ZNF678: variants seen among roughly 807,000 people sequenced by gnomAD.
The protein encoded by ZNF678 is zinc finger protein 678, also known as hypothetical protein MGC42493.
Under a neutral mutation model 3.0 loss-of-function variants are expected in ZNF678, and 5 were observed. That is an observed-to-expected ratio of 1.69 (90% CI 0.88 to 3.56). ZNF678 has a LOEUF of 3.56. Ranked by LOEUF, ZNF678 falls within the 30% of genes most tolerant of loss-of-function variation. The pLI is 0.00. For missense variants in ZNF678, 593 were observed against 605.0 expected, an observed-to-expected ratio of 0.98 and a Z score of 0.21; for synonymous variants, 218 against 199.6, an observed-to-expected ratio of 1.09 and a Z score of -0.78.
intron 1 of ZNF678, among the ~76,000 whole-genome samples, chr1:227,604,825 T>C (rs1362376897): frequency 6.6e-6 from 1 of 152,226 alleles, no homozygotes; most frequent in Non-Finnish European, 1.5e-5. Context: ...TGTTTTTATC[T>C]TTTTATTACC....
intron 1 of ZNF678, among the ~76,000 whole-genome samples, chr1:227,622,574 G>A (rs781249520): frequency 3.9e-5 from 6 of 152,186 alleles, no homozygotes; most frequent in Non-Finnish European, 5.9e-5. Flanking sequence ...TCAACAGGAG[G>A]CATACAAAAA....
chr1:227,650,068 C>T (rs1659052550), intron 2 of ZNF678, among the ~76,000 whole-genome samples: 1 of 151,996 alleles, frequency 6.6e-6, no homozygotes, highest in South Asian at 2.1e-4. Context: ...CTTTTGATGT[C>T]ATATTCAAAA....
At chr1:227,617,646 C>T (rs1158351726) in intron 1 of ZNF678, among the ~76,000 whole-genome samples, 1 of 152,156 alleles carries the variant, frequency 6.6e-6, no homozygotes, top group South Asian at 2.1e-4. Context: ...AATGGCCATA[C>T]ATACTATGGC....
intron 1 of ZNF678, among the ~76,000 whole-genome samples, chr1:227,622,154 C>G (rs1658296413): frequency 6.6e-6 from 1 of 152,210 alleles, no homozygotes; most frequent in Non-Finnish European, 1.5e-5. Flanking sequence ...CATTTACCAT[C>G]TATTCTCTCT....
intron 5 of ZNF678, among the ~76,000 whole-genome samples, chr1:227,674,607 T>C (rs200676746): frequency 0.2 from 29,032 of 145,864 alleles, 2,788 homozygotes; most frequent in East Asian, 0.23. Flanking sequence ...TTTTTTTTTT[T>C]CTTTTTTTTT....
chr1:227,672,569 G>A (rs189252132), intron 5 of ZNF678, among the ~76,000 whole-genome samples: 1 of 152,162 alleles, frequency 6.6e-6, no homozygotes, highest in African/African-American at 2.4e-5. Context: ...TGAACTCCAG[G>A]GTCAGGTCGG....
chr1:227,650,029 CTTG>C (rs1409383363), intron 2 of ZNF678, among the ~76,000 whole-genome samples: 1 of 152,040 alleles, frequency 6.6e-6, no homozygotes, highest in African/African-American at 2.4e-5. Context: ...TGCAGTCCAA[CTTG>C]TTAATATTTG....
chr1:227,646,763 C>T, intron 2 of ZNF678, 93 bp downstream of exon 2: 3 of 1,160,050 alleles, frequency 2.6e-6, no homozygotes, highest in South Asian at 1.4e-5. Flanking sequence ...TTGTCATTTG[C>T]ATGAATGAGT....
At position 227,656,353 on chromosome 1, in the gene ZNF678, G is replaced by T. The variant is rs531456156; in HGVS notation, c.*525G>T. On this transcript the variant is annotated 3_prime_UTR_variant, in exon 4 of 4. Coordinates refer to ENST00000343776, the MANE Select transcript of ZNF678 (RefSeq NM_001367909.1). Reference sequence around the variant, plus strand: ...TTGTATGTAAATTTAAATGAATCAAGAGATGATGTCTTTTTGAAGCACAGT... The same window carrying T: ...TTGTATGTAAATTTAAATGAATCAATAGATGATGTCTTTTTGAAGCACAGT... The T allele has an allele frequency of 5.9e-5, 9 of 151,724 alleles. No homozygotes were observed. Among genetic ancestry groups the T allele is most frequent in the African/African-American group, 2.2e-4 (9 of 41,376 alleles). The allele number at this position is 151,724 out of a possible 1,614,324, so 9.4% of individuals were successfully genotyped here.
chr1:227,588,843 A>G (rs1657332452), intron 1 of ZNF678, among the ~76,000 whole-genome samples: 1 of 151,350 alleles, frequency 6.6e-6, no homozygotes, highest in Admixed American at 6.6e-5. Flanking sequence ...GATTGGCATG[A>G]GATGGTATCT....
At chr1:227,647,618 T>C (rs965137726) in intron 2 of ZNF678, among the ~76,000 whole-genome samples, 1 of 152,180 alleles carries the variant, frequency 6.6e-6, no homozygotes, top group African/African-American at 2.4e-5. Flanking sequence ...AATGAAAATG[T>C]GGTTTGGGCA....
At chr1:227,627,903 GGT>G (rs1658456530) in intron 1 of ZNF678, among the ~76,000 whole-genome samples, 1 of 152,192 alleles carries the variant, frequency 6.6e-6, no homozygotes, top group Non-Finnish European at 1.5e-5. Flanking sequence ...CCCCTCGAGC[GGT>G]GTAGGTTTGA....
At chr1:227,593,862 C>G (rs996519837) in intron 1 of ZNF678, among the ~76,000 whole-genome samples, 17 of 68,956 alleles carry the variant, frequency 2.5e-4, no homozygotes, top group South Asian at 1.2e-3. Context: ...CCATCCCCCC[C>G]CCCCCTTTTT....
At chr1:227,606,526 G>A (rs751674593) in intron 1 of ZNF678, among the ~76,000 whole-genome samples, 30 of 152,246 alleles carry the variant, frequency 2.0e-4, no homozygotes, top group Admixed American at 1.4e-3. Context: ...GGGACATGCC[G>A]GAATCAGAGG....
intron 1 of ZNF678, among the ~76,000 whole-genome samples, chr1:227,600,387 C>A (rs1260561204): frequency 6.6e-6 from 1 of 152,196 alleles, no homozygotes; most frequent in East Asian, 1.9e-4. Context: ...AATCACCACA[C>A]TGTGTTCCAC....
intron 1 of ZNF678, among the ~76,000 whole-genome samples, chr1:227,606,539 T>A (rs1657876653): frequency 6.6e-6 from 1 of 152,184 alleles, no homozygotes; most frequent in Non-Finnish European, 1.5e-5. Flanking sequence ...ATCAGAGGCC[T>A]TCCTCTTATT....
downstream of ZNF678, among the ~76,000 whole-genome samples, chr1:227,678,867 G>A (rs924749253): frequency 5.9e-5 from 9 of 152,250 alleles, no homozygotes; most frequent in African/African-American, 1.9e-4. Flanking sequence ...TAATAAGAAT[G>A]TGAAAATGGA....
At chr1:227,565,549 A>T (rs1656656691) in intron 1 of ZNF678, among the ~76,000 whole-genome samples, 1 of 150,658 alleles carries the variant, frequency 6.6e-6, no homozygotes, top group Non-Finnish European at 1.5e-5. Flanking sequence ...TTTTTTGTAG[A>T]GATTGGGTTT....
chr1:227,678,965 A>G (rs993553647), downstream of ZNF678, among the ~76,000 whole-genome samples: 6 of 152,202 alleles, frequency 3.9e-5, no homozygotes, highest in Non-Finnish European at 1.5e-5. Flanking sequence ...GGGATGTTGT[A>G]TTACCCCTTG....
Sources: allele counts gnomAD v4.1 joint callset (sites outside exome capture counted in the v4.1 genomes callset), GRCh38; gene constraint gnomAD v4.1.1; transcripts MANE v1.5; gene names NCBI Gene and HGNC (gene_info 2026-07-23, HGNC 2026-07-21).